EDA: variants seen among roughly 807,000 people sequenced by gnomAD.
EDA encodes ectodysplasin A.
Under a neutral mutation model 23.6 loss-of-function variants are expected in EDA, and 2 were observed. The ratio of observed to expected loss-of-function variants is 0.08; its 90% CI spans 0.03 to 0.27. EDA has a LOEUF of 0.27. Ranked by LOEUF, EDA falls within the 10% of genes least tolerant of loss-of-function variation. The pLI is 1.00. For missense variants in EDA, 229 were observed against 324.2 expected, an observed-to-expected ratio of 0.71 and a Z score of 2.26; for synonymous variants, 131 against 132.0, an observed-to-expected ratio of 0.99 and a Z score of 0.05.
chrX:70,016,325 G>A (rs1244781706), intron 2 of EDA, among the ~76,000 whole-genome samples: 1 of 110,474 alleles, frequency 9.1e-6, no homozygotes, highest in Non-Finnish European at 1.9e-5. Context: ...AGATCATTGA[G>A]GCAGAAAACT....
intron 1 of EDA, among the ~76,000 whole-genome samples, chrX:69,732,565 T>A (rs1431604280): frequency 8.9e-6 from 1 of 112,466 alleles, no homozygotes; most frequent in African/African-American, 3.2e-5. Flanking sequence ...AACATACATG[T>A]GCATGTGTCT....
At chrX:69,943,675 G>A (rs1036204261) in intron 1 of EDA, among the ~76,000 whole-genome samples, 1 of 110,305 alleles carries the variant, frequency 9.1e-6, no homozygotes, top group Admixed American at 9.7e-5. Flanking sequence ...CCACTGCCTG[G>A]CTACTGCCTA....
intron 1 of EDA, among the ~76,000 whole-genome samples, chrX:69,753,286 G>T (rs1038449125): frequency 7.2e-5 from 8 of 111,372 alleles, no homozygotes; most frequent in African/African-American, 1.3e-4. Flanking sequence ...GTCTTTGTTC[G>T]CATTGGTTTC....
intron 3 of EDA, among the ~76,000 whole-genome samples, chrX:70,024,247 C>T (rs1806117367): frequency 8.9e-6 from 1 of 112,497 alleles, no homozygotes; most frequent in African/African-American, 3.2e-5. Flanking sequence ...CTGGCTTCAG[C>T]TGCAGTCTGC....
intron 2 of EDA, among the ~76,000 whole-genome samples, chrX:69,967,509 A>C (rs762243638): frequency 8.9e-6 from 1 of 111,889 alleles, no homozygotes; most frequent in Non-Finnish European, 1.9e-5. Context: ...CAAGATATGC[A>C]TCTGAAGCTC....
At chrX:69,792,414 G>A (rs960737598) in intron 1 of EDA, among the ~76,000 whole-genome samples, 7 of 112,029 alleles carry the variant, frequency 6.2e-5, no homozygotes, top group African/African-American at 2.3e-4. Context: ...ATTGTGAATT[G>A]TGCCACTATA....
chrX:69,844,857 A>G (rs961462736), intron 1 of EDA, among the ~76,000 whole-genome samples: 1 of 112,516 alleles, frequency 8.9e-6, no homozygotes, highest in African/African-American at 3.2e-5. Context: ...GGCATCAGCT[A>G]CAGCCCAGTT....
intron 1 of EDA, among the ~76,000 whole-genome samples, chrX:69,633,307 G>C (rs191788347): frequency 1.8e-5 from 2 of 112,331 alleles, no homozygotes; most frequent in South Asian, 3.7e-4. Context: ...ATGTTCCTCA[G>C]TGAATATTTA....
intron 1 of EDA, among the ~76,000 whole-genome samples, chrX:69,679,196 T>G (rs1934231792): frequency 9.2e-6 from 1 of 108,148 alleles, no homozygotes; most frequent in Non-Finnish European, 1.9e-5. Flanking sequence ...TGGATAAGCT[T>G]TTTGATGTGC....
At chrX:69,732,182 T>C (rs890668533) in intron 1 of EDA, among the ~76,000 whole-genome samples, 1 of 111,822 alleles carries the variant, frequency 8.9e-6, no homozygotes, top group African/African-American at 3.3e-5. Flanking sequence ...ACATGTGCCA[T>C]GTTGGTGTGC....
At chrX:69,742,400 A>G (rs148812534) in intron 1 of EDA, among the ~76,000 whole-genome samples, 1,568 of 111,960 alleles carry the variant, frequency 0.014, 20 homozygotes, top group African/African-American at 0.046. Flanking sequence ...CTGGGGAAAT[A>G]GAGATGGGGT....
intron 1 of EDA, among the ~76,000 whole-genome samples, chrX:69,708,795 G>A (rs967486833): frequency 3.6e-5 from 4 of 110,742 alleles, no homozygotes; most frequent in African/African-American, 1.3e-4. Context: ...TATATCAGGT[G>A]GAAGCAAATA....
intron 1 of EDA, among the ~76,000 whole-genome samples, chrX:69,636,823 C>G (rs1181075099): frequency 9.0e-6 from 1 of 110,901 alleles, no homozygotes; most frequent in Non-Finnish European, 1.9e-5. Flanking sequence ...GTGAAGTGAA[C>G]AAAACAAGAT....
At chrX:69,693,865 A>G (rs1934782003) in intron 1 of EDA, among the ~76,000 whole-genome samples, 1 of 111,763 alleles carries the variant, frequency 8.9e-6, no homozygotes, top group Non-Finnish European at 1.9e-5. Flanking sequence ...CTCCTATCCA[A>G]TCGGAGAATA....
At chrX:69,857,748 TG>T (rs2017291495) in intron 1 of EDA, among the ~76,000 whole-genome samples, 1 of 110,079 alleles carries the variant, frequency 9.1e-6, no homozygotes, top group African/African-American at 3.3e-5. Context: ...TAGGATTGTT[TG>T]TTTTATCTAG....
At chrX:69,639,106 A>G (rs1276832584) in intron 1 of EDA, among the ~76,000 whole-genome samples, 1 of 111,401 alleles carries the variant, frequency 9.0e-6, no homozygotes, top group Non-Finnish European at 1.9e-5. Context: ...TTTTATTCCT[A>G]TTATGGCTGA....
chrX:69,640,535 G>T (rs1335950960), intron 1 of EDA, among the ~76,000 whole-genome samples: 1 of 110,846 alleles, frequency 9.0e-6, no homozygotes, highest in East Asian at 2.8e-4. Flanking sequence ...TGAATTGAGT[G>T]GCCCTCAATT....
At chrX:69,914,757 T>C (rs1160487339) in intron 1 of EDA, among the ~76,000 whole-genome samples, 2 of 112,010 alleles carry the variant, frequency 1.8e-5, no homozygotes, top group Non-Finnish European at 3.8e-5. Context: ...ATATCAGTAA[T>C]ATTCTTTCTC....
intron 1 of EDA, among the ~76,000 whole-genome samples, chrX:69,773,690 C>T (rs943500674): frequency 9.0e-6 from 1 of 111,438 alleles, no homozygotes; most frequent in African/African-American, 3.3e-5. Flanking sequence ...TGTTGCACAT[C>T]TTTTCATGTG....
Sources: gnomAD v4.1 joint callset for allele counts (sites outside exome capture counted in the v4.1 genomes callset) on GRCh38, gnomAD v4.1.1 for gene constraint, MANE v1.5 for transcripts, NCBI Gene and HGNC (gene_info 2026-07-23, HGNC 2026-07-21) for gene names.